The following KIF26A variants were observed in gnomAD, a reference collection of about 807,000 sequenced individuals.
KIF26A encodes the protein kinesin-like protein KIF26A.
KIF26A carries 74 observed loss-of-function variants against 126.0 expected under a neutral mutation model. That is an observed-to-expected ratio of 0.59 (90% CI 0.49 to 0.71). The LOEUF (loss-of-function observed/expected upper bound fraction) is 0.71, where lower values mean the gene tolerates loss of function less well. KIF26A is among the 30% of genes least tolerant of loss of function. KIF26A has a pLI of 0.00. For synonymous variants in KIF26A, 1,445 were observed against 1,232.7 expected, an observed-to-expected ratio of 1.17 and a Z score of -3.61; for missense variants, 2,984 against 2,763.3, an observed-to-expected ratio of 1.08 and a Z score of -1.79.
chr14:104,179,584 C>CCCTCCCCTCT, intron 14 of KIF26A, 25 bp from the exon 15 acceptor site: 1 of 1,488,800 alleles, frequency 6.7e-7, no homozygotes, highest in South Asian at 1.3e-5. Flanking sequence ...ACGCAGGTGC[C>CCCTCCCCTCT]CCTCCCCTCT....
At position 104,148,124 on chromosome 14, in the gene KIF26A, C is replaced by T. The variant is rs947578967; in HGVS notation, c.289-3891C>T. 9.9e-5 allele frequency among the ~76,000 whole-genome samples: 15 copies of T among 152,078 alleles called. No individual in the cohort carries two copies. The highest frequency in any genetic ancestry group is 1.8e-4 in the Non-Finnish European group (12 of 67,996). On this transcript the variant is annotated intron_variant, in intron 2 of 14. Coordinates refer to ENST00000423312, the MANE Select transcript of KIF26A (RefSeq NM_015656.2). The surrounding 1 kb of genome is among the most constrained non-coding windows in gnomAD (Gnocchi z 4.3). ...ACTTCTCTCCTGCAGTGACGGGGAG[C>T]GGGGAGTCCCCGGTAAAGTCCCCCG...
At chr14:104,172,784 T>C in intron 7 of KIF26A, 116 bp downstream of exon 7, 2 of 1,070,186 alleles carry the variant, frequency 1.9e-6, no homozygotes, top group Non-Finnish European at 2.7e-6. Context: ...ACATGGGCCG[T>C]GGTGGGCATA....
At chr14:104,156,491 G>T (rs1168351583) in intron 3 of KIF26A, among the ~76,000 whole-genome samples, 1 of 152,188 alleles carries the variant, frequency 6.6e-6, no homozygotes, top group Non-Finnish European at 1.5e-5. Flanking sequence ...GGCCCAGGGG[G>T]CACCCAGCTT....
In KIF26A at chr14:104,178,614, C is replaced by T. The variant is rs1383948710; in HGVS notation, c.5175C>T (p.Pro1725=). 2.6e-6 allele frequency: 4 copies of T among 1,547,396 alleles called. No individual in the cohort carries two copies. In the African/African-American group the frequency reaches 5.5e-5, roughly 21 times the overall value. The change falls in exon 13 of 15, where the codon CCC becomes CCT. Residue 1725 remains proline, a synonymous_variant. Coordinates refer to ENST00000423312, the MANE Select transcript of KIF26A (RefSeq NM_015656.2). ...LPDTTALGRK[P]SLPGQWVDLP... is the part of the protein sequence containing the mutation. ...ACACCACTGCCCTGGGCCGTAAGCC[C>T]AGCCTCCCCGGGCAGTGGGTGGACC...
chr14:104,178,452 C>T (rs2038060711), intron 12 of KIF26A, 98 bp from the exon 13 acceptor site: 1 of 916,788 alleles, frequency 1.1e-6, no homozygotes, highest in South Asian at 2.3e-5. Flanking sequence ...CGAAGGCCTC[C>T]CTGTCAGGAC....
In KIF26A at chr14:104,180,008, A is replaced by T; in HGVS notation, c.*218A>T. The T allele has an allele frequency of 2.1e-6, 1 of 472,484 alleles. No homozygotes were observed. Among genetic ancestry groups the T allele is most frequent in the Non-Finnish European group, 3.7e-6 (1 of 271,940 alleles). The allele number at this position is 472,484 out of a possible 1,614,324, so 29.3% of individuals were successfully genotyped here. On this transcript the variant is annotated 3_prime_UTR_variant, in exon 15 of 15. Coordinates refer to ENST00000423312, the MANE Select transcript of KIF26A (RefSeq NM_015656.2). Reference sequence around the variant, plus strand: ...GTGACCAGAAGACCGTCACCACCCGACAGCAACGCAAGTGCCTTTGACCTT... The same window carrying T: ...GTGACCAGAAGACCGTCACCACCCGTCAGCAACGCAAGTGCCTTTGACCTT...
At chr14:104,169,842 T>C (rs1403629777) in intron 5 of KIF26A, among the ~76,000 whole-genome samples, 1 of 152,222 alleles carries the variant, frequency 6.6e-6, no homozygotes, top group Non-Finnish European at 1.5e-5. Flanking sequence ...GGCTTTGTAA[T>C]ATCTGAACAT....
At chr14:104,142,618 G>T (rs1012956957) in intron 2 of KIF26A, among the ~76,000 whole-genome samples, 18 of 152,148 alleles carry the variant, frequency 1.2e-4, no homozygotes, top group Admixed American at 9.2e-4. Context: ...CCTGTGGGAG[G>T]TTGCAGCCTG....
rs372409795 is a variant in KIF26A, at chr14:104,176,353, G to A, written c.3565G>A (p.Gly1189Ser). 174 of 1,582,252 alleles carry A rather than the reference G, an allele frequency of 1.1e-4. No homozygotes were observed. In the African/African-American group the frequency reaches 1.8e-3, roughly 16 times the overall value. ...EVAAVAPSRP[G>S]REPQAGPSRW... ...GGCTGCAGTGGCCCCATCCCGACCC[G>A]GCAGGGAGCCCCAGGCCGGGCCCTC... Residue 1189 changes from glycine to serine, a missense_variant, in exon 12 of 15, where the codon GGC becomes AGC. Physicochemically the swap from Gly to Ser is moderately conservative, Grantham distance 56. Coordinates refer to ENST00000423312, the MANE Select transcript of KIF26A (RefSeq NM_015656.2).
chr14:104,175,895 T>C lies in KIF26A; in HGVS notation c.3107T>C (p.Val1036Ala), dbSNP rs2038017994. 3 of 1,542,720 alleles carry C rather than the reference T, an allele frequency of 1.9e-6. No homozygotes were observed. The highest frequency in any genetic ancestry group is 2.6e-6 in the Non-Finnish European group (3 of 1,149,236). ...GGCGAGGACGAGCTGGTGTTCACGG[T>C]GGTGGAGGAGCTGTCCCTGGGGGCG... The part of the protein sequence containing the change: ...LNGEDELVFT[V>A]VEELSLGALA... Residue 1036 changes from valine (V) to alanine (A), a missense_variant, in exon 12 of 15, where the codon GTG (valine) becomes GCG (alanine). Coordinates refer to ENST00000423312, the MANE Select transcript of KIF26A (RefSeq NM_015656.2).
rs1169561197 is a variant in KIF26A at position 104,167,045 on chromosome 14, G to A, written c.1110G>A (p.Gly370=). The part of the protein sequence containing the change: ...SKTKDNPGSI[G]KVKVMLRIWP... The stretch of plus-strand genomic sequence containing the variant: ...CCAAGGACAACCCTGGCAGCATCGG[G>A]AAGGTAGACGCAGCCCCGAGTTCGG... Residue 370 remains glycine, a synonymous_variant, in exon 5 of 15, where the codon GGG becomes GGA. Coordinates refer to ENST00000423312, the MANE Select transcript of KIF26A (RefSeq NM_015656.2). 4 of 1,550,462 alleles carry A rather than the reference G, an allele frequency of 2.6e-6. No homozygotes were observed. In the Admixed American group the frequency reaches 5.8e-5, roughly 22 times the overall value.
chr14:104,149,333 C>A (rs939291894), intron 2 of KIF26A, among the ~76,000 whole-genome samples: 6 of 152,268 alleles, frequency 3.9e-5, no homozygotes, highest in Non-Finnish European at 7.4e-5. Context: ...GTGGCCCACT[C>A]GTGGGCTTTC....
At chr14:104,140,101 C>T (rs1316909018) in intron 2 of KIF26A, among the ~76,000 whole-genome samples, 2 of 152,194 alleles carry the variant, frequency 1.3e-5, no homozygotes, top group Non-Finnish European at 2.9e-5. Flanking sequence ...TCCGCATAAT[C>T]CCCATTGAAT....
chr14:104,173,124 T>C lies in KIF26A; in HGVS notation c.1568T>C (p.Val523Ala), dbSNP rs751829642. 4 of 1,607,530 alleles carry C rather than the reference T, an allele frequency of 2.5e-6. No individual in the cohort carries two copies. Among genetic ancestry groups the C allele is most frequent in the Non-Finnish European group, 3.4e-6 (4 of 1,178,088 alleles). ...TCCGTCCGGGTCTCAGCCGTGGAGG[T>C]GTGCGGGCGCGACCAGAGCCTGCGG... ...RFSVRVSAVE[V>A]CGRDQSLRDL... Residue 523 changes from valine (V) to alanine (A), a missense_variant, in exon 8 of 15, where the codon GTG becomes GCG. Transcript: ENST00000423312.
At chr14:104,166,279 T>C (rs2037901302) in intron 4 of KIF26A, among the ~76,000 whole-genome samples, 1 of 152,026 alleles carries the variant, frequency 6.6e-6, no homozygotes, top group Admixed American at 6.5e-5. Context: ...GCTTGGGGTG[T>C]GGTAATCTCG....
intron 5 of KIF26A, among the ~76,000 whole-genome samples, chr14:104,170,128 C>T (rs1162304581): frequency 6.6e-6 from 1 of 152,222 alleles, no homozygotes; most frequent in South Asian, 2.1e-4. Context: ...AGCCTCTCCA[C>T]GCCACTCCTT....
chr14:104,171,056 G>C (rs2037951886), intron 5 of KIF26A, among the ~76,000 whole-genome samples: 1 of 152,232 alleles, frequency 6.6e-6, no homozygotes, highest in Non-Finnish European at 1.5e-5. Context: ...CAGTGGGGCC[G>C]GTGAGGCCGA....
intron 2 of KIF26A, among the ~76,000 whole-genome samples, chr14:104,150,321 G>T (rs1487895017): frequency 6.6e-6 from 1 of 151,428 alleles, no homozygotes; most frequent in South Asian, 2.1e-4. Context: ...GACCAGACGC[G>T]CCAGGCACTT....
chr14:104,174,945 G>T, intron 11 of KIF26A, 37 bp from the exon 12 acceptor site: 1 of 1,484,900 alleles, frequency 6.7e-7, no homozygotes. Flanking sequence ...GCGTGTAGGG[G>T]AGACTGGGCT....
Sources: allele counts gnomAD v4.1 joint callset (sites outside exome capture counted in the v4.1 genomes callset), GRCh38; gene constraint gnomAD v4.1.1; non-coding constraint Gnocchi (gnomAD v3.1); transcripts MANE v1.5; gene names NCBI Gene and HGNC (gene_info 2026-07-23, HGNC 2026-07-21).